Variants in FHIT observed in about 807,000 individuals in gnomAD.
FHIT encodes the protein fragile histidine triad diadenosine triphosphatase, also known as bis(5'-adenosyl)-triphosphatase.
In FHIT, 19 loss-of-function variants were observed where a neutral mutation model predicts 17.9. The observed-to-expected ratio is 1.06, with a 90% confidence interval of 0.74 to 1.56. FHIT has a LOEUF of 1.56. FHIT is among the 40% of genes most tolerant of loss of function. The probability of loss-of-function intolerance (pLI) is 0.00; values close to 1 mark genes in which losing one functional copy is unlikely to be tolerated. For missense variants in FHIT, 248 were observed against 189.2 expected, an observed-to-expected ratio of 1.31 and a Z score of -1.82; for synonymous variants, 81 against 69.7, an observed-to-expected ratio of 1.16 and a Z score of -0.81.
chr3:60,382,755 A>T (rs984120804), intron 5 of FHIT, among the ~76,000 whole-genome samples: 1 of 152,188 alleles, frequency 6.6e-6, no homozygotes, highest in African/African-American at 2.4e-5. Flanking sequence ...TTCATTAACT[A>T]AAAAGAACTG....
intron 3 of FHIT, among the ~76,000 whole-genome samples, chr3:60,892,199 T>G (rs72889137): frequency 0.018 from 2,705 of 152,348 alleles, 86 homozygotes; most frequent in African/African-American, 0.061. Flanking sequence ...TGGTTTTTTC[T>G]TTTGGTGTTA....
intron 5 of FHIT, among the ~76,000 whole-genome samples, chr3:60,216,901 C>T (rs1282237804): frequency 6.6e-6 from 1 of 152,086 alleles, no homozygotes; most frequent in Admixed American, 6.5e-5. Flanking sequence ...CCCTTCCTGG[C>T]AGAAACTCCC....
intron 5 of FHIT, among the ~76,000 whole-genome samples, chr3:60,223,749 G>A (rs1018789677): frequency 7.2e-5 from 11 of 152,076 alleles, no homozygotes; most frequent in Non-Finnish European, 2.9e-5. Context: ...AGCACCACTG[G>A]TTATTCTCTG....
chr3:60,289,160 T>C (rs1337274822), intron 5 of FHIT, among the ~76,000 whole-genome samples: 2 of 152,240 alleles, frequency 1.3e-5, no homozygotes, highest in Admixed American at 6.5e-5. Context: ...AAGACCATTC[T>C]AGTATTTAAT....
chr3:60,403,688 A>G (rs1481713354), intron 5 of FHIT, among the ~76,000 whole-genome samples: 1 of 152,188 alleles, frequency 6.6e-6, no homozygotes, highest in Non-Finnish European at 1.5e-5. Flanking sequence ...AGATGAATGC[A>G]GACACACCTT....
At chr3:60,995,312 T>C (rs2030585558) in intron 3 of FHIT, among the ~76,000 whole-genome samples, 2 of 151,862 alleles carry the variant, frequency 1.3e-5, no homozygotes, top group African/African-American at 4.8e-5. Context: ...AGAGCGAGAC[T>C]CTGTCTCAAA....
intron 3 of FHIT, among the ~76,000 whole-genome samples, chr3:60,999,728 AAGG>A (rs2030932929): frequency 6.6e-6 from 1 of 152,048 alleles, no homozygotes; most frequent in Non-Finnish European, 1.5e-5. Flanking sequence ...AGGTGAGCTG[AAGG>A]AGAAGTCCCA....
At chr3:59,819,062 G>A (rs1441199191) in intron 8 of FHIT, among the ~76,000 whole-genome samples, 2 of 152,198 alleles carry the variant, frequency 1.3e-5, no homozygotes, top group Admixed American at 6.5e-5. Flanking sequence ...TTGAAGTGGT[G>A]TAGAAACAGT....
intron 4 of FHIT, among the ~76,000 whole-genome samples, chr3:60,668,262 G>A (rs9813447): frequency 0.04 from 6,109 of 151,092 alleles, 436 homozygotes; most frequent in African/African-American, 0.14. Flanking sequence ...CTGAGGGAGA[G>A]CAGAGTCCTT....
intron 5 of FHIT, among the ~76,000 whole-genome samples, chr3:60,277,168 T>C (rs1027772899): frequency 1.3e-5 from 2 of 152,172 alleles, no homozygotes; most frequent in Non-Finnish European, 2.9e-5. Context: ...ATGGTCCTAA[T>C]TTCTGGATCT....
chr3:60,467,978 G>A (rs1377475288), intron 5 of FHIT, among the ~76,000 whole-genome samples: 3 of 152,046 alleles, frequency 2.0e-5, no homozygotes, highest in Admixed American at 6.6e-5. Flanking sequence ...GTGCTCCAGT[G>A]TTGGGTGCAT....
intron 4 of FHIT, among the ~76,000 whole-genome samples, chr3:60,583,338 A>C (rs2037807630): frequency 6.6e-6 from 1 of 151,852 alleles, no homozygotes; most frequent in Non-Finnish European, 1.5e-5. Context: ...TTCCTCAGAG[A>C]CTTATTTCCT....
chr3:59,930,848 G>A (rs568850891), intron 7 of FHIT, among the ~76,000 whole-genome samples: 108 of 152,160 alleles, frequency 7.1e-4, no homozygotes, highest in Non-Finnish European at 1.3e-3. Context: ...CCGAAACCCT[G>A]ACTTGTGTTC....
chr3:60,102,260 T>C (rs1000690520), intron 5 of FHIT, among the ~76,000 whole-genome samples: 1 of 152,158 alleles, frequency 6.6e-6, no homozygotes, highest in Admixed American at 6.5e-5. Flanking sequence ...GGGCCGCCAA[T>C]GTTGGCAGCA....
intron 2 of FHIT, among the ~76,000 whole-genome samples, chr3:61,183,872 G>A (rs1443257855): frequency 1.4e-5 from 2 of 147,760 alleles, no homozygotes; most frequent in Non-Finnish European, 3.0e-5. Context: ...GGCATTAATG[G>A]GCAAAGCATC....
chr3:60,599,805 C>T (rs1559570572), intron 4 of FHIT, among the ~76,000 whole-genome samples: 1 of 152,060 alleles, frequency 6.6e-6, no homozygotes, highest in Non-Finnish European at 1.5e-5. Context: ...GAACAGCTAT[C>T]GTTCTTGCCC....
At chr3:61,118,151 A>G (rs1209979927) in intron 2 of FHIT, among the ~76,000 whole-genome samples, 1 of 152,324 alleles carries the variant, frequency 6.6e-6, no homozygotes, top group South Asian at 2.1e-4. Flanking sequence ...AAGGTCCAAC[A>G]TTTTATTACC....
intron 3 of FHIT, among the ~76,000 whole-genome samples, chr3:60,870,080 G>C (rs1283554634): frequency 6.6e-6 from 1 of 152,068 alleles, no homozygotes; most frequent in Admixed American, 6.6e-5. Context: ...ACTTACCTTA[G>C]CTTCCATTTT....
intron 5 of FHIT, among the ~76,000 whole-genome samples, chr3:60,109,620 G>C (rs932929423): frequency 6.6e-6 from 1 of 152,190 alleles, no homozygotes; most frequent in Non-Finnish European, 1.5e-5. Context: ...ACAGAAGCAA[G>C]TGGTTAATGG....
Sources: allele counts gnomAD v4.1 joint callset (sites outside exome capture counted in the v4.1 genomes callset), GRCh38; gene constraint gnomAD v4.1.1; transcripts MANE v1.5; gene names NCBI Gene and HGNC (gene_info 2026-07-23, HGNC 2026-07-21).